M1AP: variants seen among roughly 807,000 people sequenced by gnomAD.
M1AP encodes the protein meiosis 1 arrest protein.
Under a neutral mutation model 51.2 loss-of-function variants are expected in M1AP, and 39 were observed. That is an observed-to-expected ratio of 0.76 (90% confidence interval 0.59 to 1.00). The LOEUF is 1.00. Ranked by LOEUF, M1AP falls within the 50% of genes least tolerant of loss-of-function variation. M1AP has a pLI of 0.00. For synonymous variants in M1AP, 251 were observed against 249.2 expected (o/e 1.01, Z -0.07); for missense variants, 545 against 641.2 (o/e 0.85, Z 1.62).
At position 74,558,607 on chromosome 2, in the gene M1AP, C is replaced by A; in HGVS notation, c.*109G>T. 1 of 1,340,560 alleles carries A rather than the reference C, an allele frequency of 7.5e-7. No individual in the cohort carries two copies. Among genetic ancestry groups the A allele is most frequent in the Non-Finnish European group, 1.0e-6 (1 of 967,780 alleles). 83.0% of individuals were successfully genotyped at this position (1,340,560 alleles called of 1,614,324 possible). ...GCTGTTGTTTCCCAGTCAGCCCTCACTCACAGAGGCTCAGGCGGATAGAGA... is the reference window on the plus strand; with the variant it reads ...GCTGTTGTTTCCCAGTCAGCCCTCAATCACAGAGGCTCAGGCGGATAGAGA... On this transcript the variant is annotated 3_prime_UTR_variant, in exon 11 of 11. Transcript: ENST00000421985.
chr2:74,648,149 G>A, intron 1 of M1AP, 116 bp downstream of exon 1: 11 of 963,572 alleles, frequency 1.1e-5, no homozygotes, highest in Non-Finnish European at 1.4e-5. Flanking sequence ...CACGGCCAGC[G>A]CAACCAACAC....
intron 1 of M1AP, among the ~76,000 whole-genome samples, chr2:74,641,057 C>T (rs551754916): frequency 1.9e-4 from 29 of 152,200 alleles, no homozygotes; most frequent in Non-Finnish European, 3.8e-4. Context: ...TAGTACCTAA[C>T]GAATAATTCT....
intron 1 of M1AP, among the ~76,000 whole-genome samples, chr2:74,641,294 T>C (rs996527801): frequency 3.9e-5 from 6 of 152,194 alleles, no homozygotes; most frequent in African/African-American, 1.4e-4. Context: ...CTGCCTTCTT[T>C]CTCTACTGGC....
At chr2:74,561,064 G>GAGGAGGAGGAGGAGGAGA (rs1677898363) in intron 8 of M1AP, among the ~76,000 whole-genome samples, 1 of 115,136 alleles carries the variant, frequency 8.7e-6, no homozygotes, top group African/African-American at 3.8e-5. Context: ...AGGAGGAGGG[G>GAGGAGGAGGAGGAGGAGA]AGGAGGAGGA....
intron 7 of M1AP, among the ~76,000 whole-genome samples, chr2:74,571,997 C>CA (rs1207829899): frequency 0.04 from 2,881 of 72,768 alleles, 73 homozygotes; most frequent in East Asian, 0.17. Context: ...AACTCCGTCT[C>CA]AAAAAAAAAA....
intron 1 of M1AP, chr2:74,647,274 C>T (rs966688602): frequency 2.0e-6 from 2 of 985,392 alleles, no homozygotes; most frequent in Admixed American, 6.1e-5. Context: ...GGGAGATCCA[C>T]CTCTCACAGA....
In M1AP at chr2:74,609,337, A is replaced by C. The variant is rs372462795; in HGVS notation, c.427-2114T>G. Among the ~76,000 whole-genome samples, 61 of 152,230 alleles carry C rather than the reference A, an allele frequency of 4.0e-4. 1 individual carries two copies. The highest frequency in any genetic ancestry group is 1.4e-3 in the African/African-American group (60 of 41,530). On this transcript the variant is annotated intron_variant, in intron 3 of 10. Coordinates refer to ENST00000421985, the MANE Select transcript of M1AP (RefSeq NM_001321739.2). The stretch of plus-strand genomic sequence containing the variant: ...CGTCCTTCTGTGCCTGGCTTATTTC[A>C]CTTAATATAATGTTCTCTAGACTCA...
chr2:74,590,153 A>G (rs998849762), intron 4 of M1AP, among the ~76,000 whole-genome samples: 1 of 152,174 alleles, frequency 6.6e-6, no homozygotes, highest in African/African-American at 2.4e-5. Context: ...GTGGCTTATA[A>G]GCAACAGAAA....
Position 74,558,462 on chromosome 2 carries a change from C to T in M1AP, c.*254G>A, listed in dbSNP as rs1275423614. ...AGCTTACTGGGTGTTTAATCTTCAC[C>T]TGTGTAAACAGTAGCAAATGATTCT... is the stretch of plus-strand genomic sequence containing the variant. On this transcript the variant is annotated 3_prime_UTR_variant, in exon 11 of 11. Coordinates refer to ENST00000421985, the MANE Select transcript of M1AP (RefSeq NM_001321739.2). 4.4e-6 allele frequency: 2 copies of T among 454,526 alleles called. No individual in the cohort carries two copies. Among genetic ancestry groups the T allele is most frequent in the East Asian group, 9.1e-5 (2 of 22,046 alleles). 28.2% of individuals were successfully genotyped at this position (454,526 alleles called of 1,614,324 possible).
intron 2 of M1AP, among the ~76,000 whole-genome samples, chr2:74,632,017 G>A (rs1242302734): frequency 1.3e-5 from 2 of 152,168 alleles, no homozygotes; most frequent in East Asian, 1.9e-4. Context: ...AGATTGGATT[G>A]TTCTATACGT....
At position 74,585,283 on chromosome 2, in the gene M1AP, G is replaced by C. The variant is rs74372713; in HGVS notation, c.596-3436C>G. On this transcript the variant is annotated intron_variant, in intron 4 of 10. Transcript: ENST00000421985. ...AGCTCAGAGAAGGCATGTGGACTCA[G>C]TGATGTGTCCCAATTGCAGAGATGT... Among the ~76,000 whole-genome samples, 722 of 152,324 alleles carry C rather than the reference G, an allele frequency of 4.7e-3. 7 individuals carry two copies. The highest frequency in any genetic ancestry group is 0.017 in the African/African-American group (693 of 41,566).
Position 74,642,602 on chromosome 2 carries a change from G to T in M1AP, c.-52-2275C>A, listed in dbSNP as rs145284815. The stretch of plus-strand genomic sequence containing the variant: ...ACTTCTATTCAGCATTATAGTGAAG[G>T]TAGTAATGAGGTAAGACAAATAAAT... On this transcript the variant is annotated intron_variant, in intron 1 of 10. Coordinates refer to ENST00000421985, the MANE Select transcript of M1AP (RefSeq NM_001321739.2). 2.4e-4 allele frequency among the ~76,000 whole-genome samples: 36 copies of T among 152,312 alleles called. No homozygotes were observed. The East Asian group carries it at 6.0e-3, about 25-fold the overall frequency.
chr2:74,579,089 C>G (rs1053191001), intron 5 of M1AP, among the ~76,000 whole-genome samples: 2 of 152,130 alleles, frequency 1.3e-5, no homozygotes, highest in Admixed American at 6.5e-5. Context: ...GATATAAGTT[C>G]CACTGTGCAT....
At chr2:74,584,905 T>A (rs1278213214) in intron 4 of M1AP, among the ~76,000 whole-genome samples, 1 of 151,688 alleles carries the variant, frequency 6.6e-6, no homozygotes, top group Non-Finnish European at 1.5e-5. Flanking sequence ...TGCAGTGGTG[T>A]GATCTCAGCT....
chr2:74,632,514 C>T (rs1268749264), intron 2 of M1AP, among the ~76,000 whole-genome samples: 1 of 152,134 alleles, frequency 6.6e-6, no homozygotes, highest in Non-Finnish European at 1.5e-5. Flanking sequence ...TCCTAGCCTT[C>T]CCTCCTTGCC....
rs747539997 is a variant in M1AP at position 74,639,961 on chromosome 2, C to T, written c.240+75G>A. The T allele has an allele frequency of 1.6e-4, 209 of 1,289,268 alleles. 1 individual carries two copies. Among genetic ancestry groups the T allele is most frequent in the Non-Finnish European group, 2.2e-4 (196 of 904,176 alleles). The allele number at this position is 1,289,268 out of a possible 1,614,324, so 79.9% of individuals were successfully genotyped here. On this transcript the variant is annotated intron_variant, in intron 2 of 10. Transcript: ENST00000421985. ...CGGTTATTGTTATAAGTATTAATAA[C>T]TGTGATCTCTATTCCAGAAACCTTA...
intron 2 of M1AP, chr2:74,618,722 A>T (rs1681824057): frequency 4.7e-6 from 1 of 210,730 alleles, no homozygotes; most frequent in South Asian, 6.2e-5. Context: ...ATTCTTAGAA[A>T]CTTCTATATC....
chr2:74,601,317 T>C (rs777905154), intron 4 of M1AP, among the ~76,000 whole-genome samples: 5 of 151,902 alleles, frequency 3.3e-5, no homozygotes, highest in Non-Finnish European at 7.4e-5. Context: ...CCTAGATAAA[T>C]AGCTAAATGA....
chr2:74,597,965 C>A (rs1405531105), intron 4 of M1AP, among the ~76,000 whole-genome samples: 2 of 152,330 alleles, frequency 1.3e-5, no homozygotes, highest in Middle Eastern at 3.4e-3. Flanking sequence ...ACTCACAAAT[C>A]CTTTATTTAA....
Sources: allele counts gnomAD v4.1 joint callset (sites outside exome capture counted in the v4.1 genomes callset), GRCh38; gene constraint gnomAD v4.1.1; transcripts MANE v1.5; gene names NCBI Gene and HGNC (gene_info 2026-07-23, HGNC 2026-07-21).